Variants in OXR1 observed in about 807,000 individuals in gnomAD.
The protein encoded by OXR1 is oxidation resistance 1.
In OXR1, 41 loss-of-function variants were observed where a neutral mutation model predicts 104.6. The observed-to-expected ratio is 0.39, with a 90% CI of 0.31 to 0.51. The LOEUF (loss-of-function observed/expected upper bound fraction) is 0.51, where lower values mean the gene tolerates loss of function less well. Among genes scored for constraint, OXR1 ranks in the 20% least tolerant of loss-of-function variants. OXR1 has a pLI of 0.77. For missense variants in OXR1, 955 were observed against 1,031.9 expected, an observed-to-expected ratio of 0.93 and a Z score of 1.02; for synonymous variants, 348 against 348.4, an observed-to-expected ratio of 1.00 and a Z score of 0.01.
chr8:106,629,677 T>C (rs1822498819), intron 3 of OXR1, among the ~76,000 whole-genome samples: 1 of 152,234 alleles, frequency 6.6e-6, no homozygotes, highest in African/African-American at 2.4e-5. Context: ...ACATTATACC[T>C]TTAAATACAG....
At chr8:106,672,856 G>A (rs1827188005) in intron 3 of OXR1, among the ~76,000 whole-genome samples, 1 of 152,136 alleles carries the variant, frequency 6.6e-6, no homozygotes, top group South Asian at 2.1e-4. Flanking sequence ...TAAAGAAGGT[G>A]CCTTGCTTCC....
chr8:106,750,098 T>C (rs1264164734), intron 16 of OXR1, among the ~76,000 whole-genome samples: 1 of 151,692 alleles, frequency 6.6e-6, no homozygotes, highest in Non-Finnish European at 1.5e-5. Flanking sequence ...TTTTGTGCCT[T>C]TGCGAAAGTC....
intron 11 of OXR1, among the ~76,000 whole-genome samples, chr8:106,715,214 A>G (rs957432852): frequency 2.6e-5 from 4 of 151,922 alleles, no homozygotes; most frequent in Admixed American, 6.6e-5. Flanking sequence ...ACAAATGAAC[A>G]TATACTATGT....
chr8:106,406,893 A>G (rs1286742842), intron 2 of OXR1, among the ~76,000 whole-genome samples: 1 of 151,974 alleles, frequency 6.6e-6, no homozygotes, highest in Non-Finnish European at 1.5e-5. Flanking sequence ...GTAACAATGT[A>G]CTATTAGTTT....
intron 2 of OXR1, among the ~76,000 whole-genome samples, chr8:106,515,332 A>C (rs776773065): frequency 6.6e-6 from 1 of 152,000 alleles, no homozygotes; most frequent in Non-Finnish European, 1.5e-5. Context: ...CTGAAAACCT[A>C]CTCTCAGCAG....
intron 1 of OXR1, among the ~76,000 whole-genome samples, chr8:106,353,714 C>T (rs938648611): frequency 1.3e-5 from 2 of 151,948 alleles, no homozygotes. Context: ...TGTCCATTAC[C>T]TCACTAATGT....
chr8:106,278,801 A>G (rs1239113642), intron 1 of OXR1, among the ~76,000 whole-genome samples: 3 of 152,188 alleles, frequency 2.0e-5, no homozygotes, highest in Non-Finnish European at 4.4e-5. Flanking sequence ...TCACATAAAT[A>G]AATGTAAGTG....
intron 2 of OXR1, among the ~76,000 whole-genome samples, chr8:106,364,104 A>G (rs1376477350): frequency 4.6e-5 from 7 of 152,160 alleles, no homozygotes; most frequent in Non-Finnish European, 1.0e-4. Flanking sequence ...ATGCCTACAG[A>G]TTGGAAAAAT....
At chr8:106,286,503 G>T (rs775898235) in intron 1 of OXR1, among the ~76,000 whole-genome samples, 19 of 151,610 alleles carry the variant, frequency 1.3e-4, no homozygotes, top group Non-Finnish European at 2.6e-4. Flanking sequence ...AATTTCTGTT[G>T]CCCTGAGCCA....
intron 3 of OXR1, among the ~76,000 whole-genome samples, chr8:106,646,432 A>G (rs973261537): frequency 2.0e-5 from 3 of 152,188 alleles, no homozygotes; most frequent in Admixed American, 1.3e-4. Flanking sequence ...AAAAACAAAG[A>G]TAGGGAAATT....
chr8:106,324,528 G>A lies in OXR1; in HGVS notation c.-138-34948G>A, dbSNP rs529925827. 1.1e-4 allele frequency among the ~76,000 whole-genome samples: 16 copies of A among 146,722 alleles called. 1 individual carries two copies. The highest frequency in any genetic ancestry group is 4.2e-4 in the African/African-American group (16 of 37,718). On this transcript the variant is annotated intron_variant, in intron 1 of 16. Transcript: ENST00000517566. ...CCTAAAATATTTTTTTTAAAGGAAA[G>A]GAGGTTCTATACAAAAAAAGAAAAA...
chr8:106,647,008 C>G (rs1477056266), intron 3 of OXR1, among the ~76,000 whole-genome samples: 2 of 152,118 alleles, frequency 1.3e-5, no homozygotes, highest in East Asian at 3.8e-4. Flanking sequence ...TGTAATTATA[C>G]CATTGTAATT....
chr8:106,411,460 T>C (rs1384074494), intron 2 of OXR1, among the ~76,000 whole-genome samples: 1 of 152,172 alleles, frequency 6.6e-6, no homozygotes, highest in Admixed American at 6.5e-5. Flanking sequence ...GAAGACATAG[T>C]TGGTTCATTC....
intron 1 of OXR1, among the ~76,000 whole-genome samples, chr8:106,357,556 G>A (rs1816025461): frequency 6.6e-6 from 1 of 151,942 alleles, no homozygotes; most frequent in Admixed American, 6.6e-5. Context: ...ATATGCGCTT[G>A]TATGCACACA....
At chr8:106,537,684 A>AAAGAGG (rs113765062) in intron 3 of OXR1, among the ~76,000 whole-genome samples, 1 of 150,730 alleles carries the variant, frequency 6.6e-6, no homozygotes, top group African/African-American at 2.4e-5. Context: ...AGTATTTTAA[A>AAAGAGG]AAGAAGAAGA....
At chr8:106,461,158 G>A (rs1435482481) in intron 2 of OXR1, among the ~76,000 whole-genome samples, 1 of 152,080 alleles carries the variant, frequency 6.6e-6, no homozygotes, top group Non-Finnish European at 1.5e-5. Flanking sequence ...TACGGGAATG[G>A]ATTTTAGCTC....
intron 3 of OXR1, among the ~76,000 whole-genome samples, chr8:106,590,611 C>T (rs1240974587): frequency 6.6e-6 from 1 of 152,170 alleles, no homozygotes; most frequent in South Asian, 2.1e-4. Context: ...AGTTACTCGA[C>T]ATCTTTAAGC....
intron 3 of OXR1, among the ~76,000 whole-genome samples, chr8:106,574,346 C>G (rs1817678678): frequency 1.3e-5 from 2 of 152,078 alleles, no homozygotes; most frequent in South Asian, 4.1e-4. Context: ...GTCTAAAAAG[C>G]CTTTGCTGGT....
intron 3 of OXR1, among the ~76,000 whole-genome samples, chr8:106,612,761 C>T (rs1183937876): frequency 6.6e-6 from 1 of 152,102 alleles, no homozygotes; most frequent in Non-Finnish European, 1.5e-5. Context: ...GTATTTATTA[C>T]ATTCCAAGTA....
Sources: gnomAD v4.1 joint callset for allele counts (sites outside exome capture counted in the v4.1 genomes callset) on GRCh38, gnomAD v4.1.1 for gene constraint, MANE v1.5 for transcripts, NCBI Gene and HGNC (gene_info 2026-07-23, HGNC 2026-07-21) for gene names.